Variants in HHIP observed in about 807,000 individuals in gnomAD.
The protein encoded by HHIP is hedgehog interacting protein.
HHIP carries 12 observed loss-of-function variants against 74.0 expected under a neutral mutation model. The ratio of observed to expected loss-of-function variants is 0.16; its 90% CI spans 0.10 to 0.26. The LOEUF (loss-of-function observed/expected upper bound fraction) is 0.26. Ranked by LOEUF, HHIP falls within the 10% of genes least tolerant of loss-of-function variation. The pLI is 1.00. For synonymous variants in HHIP, 309 were observed against 311.6 expected, an observed-to-expected ratio of 0.99 and a Z score of 0.09; for missense variants, 788 against 845.0, an observed-to-expected ratio of 0.93 and a Z score of 0.84.
intron 4 of HHIP, among the ~76,000 whole-genome samples, chr4:144,690,600 A>G (rs1009256559): frequency 2.6e-5 from 4 of 152,224 alleles, no homozygotes; most frequent in African/African-American, 7.2e-5. Flanking sequence ...CTGGAAAGAC[A>G]CGAACATGAG....
At chr4:144,697,389 C>G (rs747559907) in intron 4 of HHIP, among the ~76,000 whole-genome samples, 1 of 151,894 alleles carries the variant, frequency 6.6e-6, no homozygotes, top group Non-Finnish European at 1.5e-5. Flanking sequence ...TTTATTAGAG[C>G]ATTTTGTCTC....
chr4:144,684,232 A>ATTTTTTTTTTT (rs1174297815), intron 4 of HHIP, among the ~76,000 whole-genome samples: 2 of 63,008 alleles, frequency 3.2e-5, no homozygotes, highest in Non-Finnish European at 6.2e-5. Context: ...AAAAAAAAGA[A>ATTTTTTTTTTT]TTTTTTTTTT....
chr4:144,658,410 C>T (rs1728606995), intron 2 of HHIP, among the ~76,000 whole-genome samples: 1 of 151,338 alleles, frequency 6.6e-6, no homozygotes, highest in Non-Finnish European at 1.5e-5. Context: ...CGCTCTGTGG[C>T]TCAGGCTAGA....
chr4:144,711,570 A>G (rs759850560), intron 7 of HHIP, among the ~76,000 whole-genome samples: 14 of 151,962 alleles, frequency 9.2e-5, no homozygotes, highest in Non-Finnish European at 1.8e-4. Flanking sequence ...ACTCCCACTT[A>G]TGAGTAAGAA....
chr4:144,658,738 G>A (rs2126587224), intron 2 of HHIP, 52 bp from the exon 3 acceptor site: 1 of 1,452,442 alleles, frequency 6.9e-7, no homozygotes, highest in East Asian at 2.3e-5. Flanking sequence ...AAATAAGGTG[G>A]TTTTACTATG....
chr4:144,712,990 G>A (rs1412447345), intron 8 of HHIP, among the ~76,000 whole-genome samples: 1 of 150,186 alleles, frequency 6.7e-6, no homozygotes, highest in Non-Finnish European at 1.5e-5. Context: ...CTAGCTCGAT[G>A]GAATTTTGGC....
At chr4:144,712,281 G>T (rs1730327376) in intron 8 of HHIP, among the ~76,000 whole-genome samples, 1 of 152,114 alleles carries the variant, frequency 6.6e-6, no homozygotes, top group South Asian at 2.1e-4. Flanking sequence ...AATTACCATG[G>T]ATTGAAAGGT....
At chr4:144,657,480 C>A (rs1476786927) in intron 2 of HHIP, among the ~76,000 whole-genome samples, 2 of 152,000 alleles carry the variant, frequency 1.3e-5, no homozygotes, top group East Asian at 3.9e-4. Context: ...CCAGAAGCAG[C>A]AATTTAGGAC....
intron 1 of HHIP, among the ~76,000 whole-genome samples, chr4:144,651,758 C>A (rs913937196): frequency 1.6e-5 from 2 of 128,228 alleles, no homozygotes; most frequent in Non-Finnish European, 3.7e-5. Context: ...AACAACAAGA[C>A]CTATCTGTCC....
chr4:144,731,453 C>G (rs1048165457), intron 11 of HHIP, among the ~76,000 whole-genome samples: 1 of 152,076 alleles, frequency 6.6e-6, no homozygotes, highest in African/African-American at 2.4e-5. Context: ...GGGTTTCACT[C>G]TTGTTGCCCA....
chr4:144,659,953 A>G, intron 4 of HHIP, 115 bp downstream of exon 4: 1 of 741,902 alleles, frequency 1.3e-6, no homozygotes, highest in Non-Finnish European at 2.2e-6. Context: ...TGCAGGAGAA[A>G]ATAAGGGGGC....
rs1225760416 is a variant in HHIP at position 144,743,101 on chromosome 4, TC to T, written c.*5145del. The T allele has an allele frequency of 1.4e-5, 2 of 147,624 alleles. No homozygotes were observed. Among genetic ancestry groups the T allele is most frequent in the African/African-American group, 5.0e-5 (2 of 40,218 alleles). 9.1% of individuals were successfully genotyped at this position (147,624 alleles called of 1,614,324 possible). On this transcript the variant is annotated 3_prime_UTR_variant, in exon 13 of 13. Coordinates refer to ENST00000296575, the MANE Select transcript of HHIP (RefSeq NM_022475.3). ...TGCCAAACACTAATCCTAGCCAACT[TC>T]AATCCTTCTTTCTCTTAACTATCTT...
intron 4 of HHIP, among the ~76,000 whole-genome samples, chr4:144,662,290 C>T (rs1728735910): frequency 1.3e-5 from 2 of 152,082 alleles, no homozygotes; most frequent in Admixed American, 6.5e-5. Flanking sequence ...AGAGGGATGC[C>T]ATCAGCCAAG....
intron 4 of HHIP, among the ~76,000 whole-genome samples, chr4:144,688,684 G>C (rs923961516): frequency 2.6e-5 from 4 of 152,188 alleles, no homozygotes; most frequent in African/African-American, 9.7e-5. Context: ...AAGAAACTAT[G>C]TAAACTGGTA....
chr4:144,720,336 A>G (rs115284452), intron 11 of HHIP, among the ~76,000 whole-genome samples: 62 of 152,308 alleles, frequency 4.1e-4, no homozygotes, highest in African/African-American at 1.3e-3. Flanking sequence ...TACGGATTTC[A>G]CTCAGATATA....
rs1309100180 is a variant in HHIP, at chr4:144,741,360, G to A, written c.*3403G>A. On this transcript the variant is annotated 3_prime_UTR_variant, in exon 13 of 13. Transcript: ENST00000296575. ...GTATACTAACAATTTTAATCCATTT[G>A]CTGTTTTTTTTTTTTTTTTGGTTTC... The A allele has an allele frequency of 1.5e-5, 2 of 135,832 alleles. No homozygotes were observed. Among genetic ancestry groups the A allele is most frequent in the African/African-American group, 5.5e-5 (2 of 36,466 alleles). 8.4% of individuals were successfully genotyped at this position (135,832 alleles called of 1,614,324 possible). A position where few individuals can be genotyped will look rare whatever the true frequency, so the allele number is the denominator to read the frequency against.
At position 144,739,186 on chromosome 4, in the gene HHIP, T is replaced by A. The variant is rs1347044824; in HGVS notation, c.*1229T>A. 6.6e-6 allele frequency: 1 copy of A among 152,236 alleles called. No homozygotes were observed. Among genetic ancestry groups the A allele is most frequent in the Non-Finnish European group, 1.5e-5 (1 of 68,034 alleles). The allele number at this position is 152,236 out of a possible 1,614,324, so 9.4% of individuals were successfully genotyped here. A position where few individuals can be genotyped will look rare whatever the true frequency, so the allele number is the denominator to read the frequency against. ...TGTATCAATAAATTTTCTGTAAATG[T>A]TCTGTTCAGGGTTTTACAGAGATGA... On this transcript the variant is annotated 3_prime_UTR_variant, in exon 13 of 13. Coordinates refer to ENST00000296575, the MANE Select transcript of HHIP (RefSeq NM_022475.3).
chr4:144,701,504 G>A (rs1212957506), intron 4 of HHIP, among the ~76,000 whole-genome samples: 1 of 151,778 alleles, frequency 6.6e-6, no homozygotes, highest in Non-Finnish European at 1.5e-5. Flanking sequence ...AAGTATGATG[G>A]GAATGAAACA....
At chr4:144,735,633 C>T (rs913687307) in intron 12 of HHIP, among the ~76,000 whole-genome samples, 2 of 152,092 alleles carry the variant, frequency 1.3e-5, no homozygotes, top group African/African-American at 4.8e-5. Context: ...CCAGCATATA[C>T]CATCACTTAG....
Sources: allele counts gnomAD v4.1 joint callset (sites outside exome capture counted in the v4.1 genomes callset), GRCh38; gene constraint gnomAD v4.1.1; transcripts MANE v1.5; gene names NCBI Gene and HGNC (gene_info 2026-07-23, HGNC 2026-07-21).